Variants in DNM3 observed in about 807,000 individuals in gnomAD.
DNM3 encodes the protein dynamin-3.
DNM3 carries 47 observed loss-of-function variants against 101.6 expected under a neutral mutation model. That is an observed-to-expected ratio of 0.46 (90% CI 0.37 to 0.59). The LOEUF is 0.59. Ranked by LOEUF, DNM3 falls within the 20% of genes least tolerant of loss-of-function variation. DNM3 has a pLI of 0.00. For missense variants in DNM3, 849 were observed against 1,085.7 expected, an observed-to-expected ratio of 0.78 and a Z score of 3.06; for synonymous variants, 385 against 387.9, an observed-to-expected ratio of 0.99 and a Z score of 0.09.
chr1:172,385,002 C>G (rs1207452621), intron 18 of DNM3, among the ~76,000 whole-genome samples: 1 of 152,198 alleles, frequency 6.6e-6, no homozygotes, highest in Non-Finnish European at 1.5e-5. Flanking sequence ...GCTGCCTTCC[C>G]TCTAAATCTG....
At chr1:172,386,818 C>T in intron 18 of DNM3, 1 of 300,358 alleles carries the variant, frequency 3.3e-6, no homozygotes, top group Non-Finnish European at 6.4e-6. Context: ...CCAAACAGCT[C>T]CAGACAATAT....
At chr1:172,344,135 AGCCC>A (rs886748288) in intron 17 of DNM3, among the ~76,000 whole-genome samples, 2 of 152,172 alleles carry the variant, frequency 1.3e-5, no homozygotes, top group African/African-American at 4.8e-5. Flanking sequence ...AAAAATCAAC[AGCCC>A]GGCCAGGCAA....
chr1:172,224,139 A>G (rs953794723), intron 14 of DNM3, among the ~76,000 whole-genome samples: 7 of 152,080 alleles, frequency 4.6e-5, no homozygotes, highest in South Asian at 4.1e-4. Flanking sequence ...CCTGACCTCT[A>G]TTCAGCCTGA....
At chr1:172,278,819 A>G (rs1251868149) in intron 15 of DNM3, among the ~76,000 whole-genome samples, 2 of 152,154 alleles carry the variant, frequency 1.3e-5, no homozygotes, top group Non-Finnish European at 2.9e-5. Flanking sequence ...GAAGAACCCC[A>G]GCAGACCACA....
chr1:172,211,327 C>A (rs1178090696), intron 14 of DNM3, among the ~76,000 whole-genome samples: 2 of 152,026 alleles, frequency 1.3e-5, no homozygotes, highest in Non-Finnish European at 2.9e-5. Context: ...GAAACTGAAC[C>A]GTCTAAAGTT....
At chr1:172,010,091 A>T (rs922324941) in intron 4 of DNM3, among the ~76,000 whole-genome samples, 2 of 151,840 alleles carry the variant, frequency 1.3e-5, no homozygotes, top group Admixed American at 6.6e-5. Context: ...ATATCAGTTT[A>T]TTTAAGTCTG....
chr1:172,107,431 C>T (rs117553075), intron 13 of DNM3, among the ~76,000 whole-genome samples: 2 of 152,032 alleles, frequency 1.3e-5, no homozygotes, highest in East Asian at 3.9e-4. Flanking sequence ...CAGCTGTTGG[C>T]CAGCTGGGAG....
intron 11 of DNM3, among the ~76,000 whole-genome samples, chr1:172,078,092 G>C (rs1038354147): frequency 6.6e-6 from 1 of 151,224 alleles, no homozygotes. Context: ...GTTGGTTTTT[G>C]TTGTTGTTAT....
At chr1:172,153,596 T>TCG (rs2058224914) in intron 14 of DNM3, among the ~76,000 whole-genome samples, 7 of 127,074 alleles carry the variant, frequency 5.5e-5, no homozygotes, top group Non-Finnish European at 9.2e-5. Context: ...CACGAAACTT[T>TCG]CTCTGAGTAT....
chr1:172,414,301 C>T (rs1206243488), downstream of DNM3, among the ~76,000 whole-genome samples: 2 of 152,194 alleles, frequency 1.3e-5, no homozygotes, highest in Non-Finnish European at 2.9e-5. Flanking sequence ...TTGGCTAAAA[C>T]TACAACCTTA....
intron 16 of DNM3, chr1:172,311,138 CTTATAA>C (rs796870779): frequency 1.6e-4 from 24 of 152,224 alleles, no homozygotes; most frequent in African/African-American, 4.3e-4. Context: ...TATATTTTCA[CTTATAA>C]TTATAATTAT....
chr1:172,308,895 A>G, intron 16 of DNM3, 56 bp downstream of exon 16: 1 of 1,055,580 alleles, frequency 9.5e-7, no homozygotes, highest in Non-Finnish European at 1.4e-6. Context: ...TTAAGAAAAT[A>G]TTAATCCTAC....
At chr1:171,917,812 T>G (rs1489084983) in intron 1 of DNM3, among the ~76,000 whole-genome samples, 1 of 152,212 alleles carries the variant, frequency 6.6e-6, no homozygotes, top group East Asian at 1.9e-4. Flanking sequence ...TCCAAAGTAA[T>G]GCTAAAGGAA....
chr1:172,245,283 C>A (rs2061907160), intron 14 of DNM3, among the ~76,000 whole-genome samples: 2 of 152,114 alleles, frequency 1.3e-5, no homozygotes, highest in Non-Finnish European at 2.9e-5. Context: ...TTGCTTGTTT[C>A]TTTAGGGGTT....
intron 2 of DNM3, among the ~76,000 whole-genome samples, chr1:171,959,950 G>T (rs1414976692): frequency 2.0e-5 from 3 of 152,118 alleles, no homozygotes; most frequent in Non-Finnish European, 4.4e-5. Context: ...AATCTTTGTA[G>T]AAATATGAGT....
intron 14 of DNM3, among the ~76,000 whole-genome samples, chr1:172,244,751 T>A (rs1411166027): frequency 6.6e-6 from 1 of 152,090 alleles, no homozygotes; most frequent in Non-Finnish European, 1.5e-5. Flanking sequence ...TTTTACACTG[T>A]TGGTGGGACT....
chr1:171,910,054 C>T (rs756401961), intron 1 of DNM3, among the ~76,000 whole-genome samples: 3 of 152,186 alleles, frequency 2.0e-5, no homozygotes, highest in Non-Finnish European at 2.9e-5. Flanking sequence ...CCATGTTTTG[C>T]ATTAACCTTT....
chr1:172,112,846 G>C (rs2055583438), intron 13 of DNM3, among the ~76,000 whole-genome samples: 1 of 152,180 alleles, frequency 6.6e-6, no homozygotes, highest in Non-Finnish European at 1.5e-5. Flanking sequence ...GAGAAGATTA[G>C]TGAGACATCC....
intron 4 of DNM3, among the ~76,000 whole-genome samples, chr1:172,010,175 A>G (rs1187557980): frequency 3.9e-5 from 6 of 151,964 alleles, no homozygotes. Flanking sequence ...TTTTCTGCAT[A>G]TGTTTTAAAT....
Sources: allele counts gnomAD v4.1 joint callset (sites outside exome capture counted in the v4.1 genomes callset), GRCh38; gene constraint gnomAD v4.1.1; transcripts MANE v1.5; gene names NCBI Gene and HGNC (gene_info 2026-07-23, HGNC 2026-07-21).